NRXN3: variants seen among roughly 807,000 people sequenced by gnomAD.
NRXN3 encodes the protein neurexin III.
A neutral mutation model predicts 137.6 loss-of-function variants in NRXN3; 32 were observed. The ratio of observed to expected loss-of-function variants is 0.23; its 90% CI spans 0.18 to 0.31. The LOEUF is 0.31. Ranked by LOEUF, NRXN3 falls within the 10% of genes least tolerant of loss-of-function variation. The pLI is 1.00. For missense variants in NRXN3, 1,574 were observed against 2,062.5 expected, an observed-to-expected ratio of 0.76 and a Z score of 4.59; for synonymous variants, 798 against 784.5, an observed-to-expected ratio of 1.02 and a Z score of -0.29.
chr14:78,880,239 C>CAAAAA (rs59348965), intron 10 of NRXN3, among the ~76,000 whole-genome samples: 9 of 45,240 alleles, frequency 2.0e-4, no homozygotes, highest in Admixed American at 2.5e-4. Flanking sequence ...GACTCCGTCT[C>CAAAAA]AAAAAAAAAA....
intron 16 of NRXN3, among the ~76,000 whole-genome samples, chr14:79,468,578 G>C (rs1183922487): frequency 6.6e-6 from 1 of 152,226 alleles, no homozygotes; most frequent in African/African-American, 2.4e-5. Flanking sequence ...TAATGTGCAG[G>C]TGTATAGAGA....
At chr14:78,680,555 A>G (rs2098064066) in intron 6 of NRXN3, among the ~76,000 whole-genome samples, 1 of 152,166 alleles carries the variant, frequency 6.6e-6, no homozygotes, top group Admixed American at 6.6e-5. Flanking sequence ...TGAGTTTGGA[A>G]TTTGACTCCT....
At chr14:78,469,146 A>G (rs908129057) in intron 4 of NRXN3, among the ~76,000 whole-genome samples, 1 of 152,168 alleles carries the variant, frequency 6.6e-6, no homozygotes, top group Non-Finnish European at 1.5e-5. Flanking sequence ...TCCAAGGCCA[A>G]TTAAGCTTAA....
chr14:79,491,072 G>A (rs1367420074), intron 16 of NRXN3, among the ~76,000 whole-genome samples: 1 of 152,202 alleles, frequency 6.6e-6, no homozygotes, highest in Non-Finnish European at 1.5e-5. Flanking sequence ...ATGTGAGTAT[G>A]TGCGTGTGTG....
intron 8 of NRXN3, among the ~76,000 whole-genome samples, chr14:78,787,991 T>C (rs1459064685): frequency 2.0e-5 from 3 of 152,164 alleles, no homozygotes; most frequent in African/African-American, 7.2e-5. Flanking sequence ...ATTAACCCTT[T>C]ACAATTATGT....
Position 78,243,171 on chromosome 14 carries a change from G to A in NRXN3, c.78G>A (p.Leu26=), listed in dbSNP as rs1225172413. 6.5e-7 allele frequency: 1 copy of A among 1,545,078 alleles called. No individual in the cohort carries two copies. Among genetic ancestry groups the A allele is most frequent in the South Asian group, 1.2e-5 (1 of 84,468 alleles). ...TGGGGTCCCTGCTGGGGCTCTGCCT[G>A]GGCCTTGAGTTCATGGGCCTCCCCA... The part of the protein sequence containing the change: ...ILLGSLLGLC[L]GLEFMGLPNQ... Residue 26 remains leucine (L), a synonymous_variant, in exon 2 of 21, where the codon CTG becomes CTA. Transcript: ENST00000335750. The surrounding 1 kb of genome is among the most constrained non-coding windows in gnomAD (Gnocchi z 4.2).
At chr14:78,893,689 A>G (rs1223083092) in intron 10 of NRXN3, among the ~76,000 whole-genome samples, 1 of 151,858 alleles carries the variant, frequency 6.6e-6, no homozygotes, top group Non-Finnish European at 1.5e-5. Flanking sequence ...TTTGTTACAC[A>G]TTTTTATTTT....
rs145999290 is a variant in NRXN3 at position 79,087,802 on chromosome 14, C to T, written c.3262+99661C>T. ...CTTTGAGCAAGAAATATCAGGCAAC[C>T]GCTGCCATCTTAGCTAAAAAATCTT... On this transcript the variant is annotated intron_variant, in intron 15 of 20. Coordinates refer to ENST00000335750, the MANE Select transcript of NRXN3 (RefSeq NM_001330195.2). Among the ~76,000 whole-genome samples the T allele has an allele frequency of 2.5e-3, 379 of 152,238 alleles. 2 individuals are homozygous for T. Among genetic ancestry groups the T allele is most frequent in the African/African-American group, 8.1e-3 (336 of 41,538 alleles).
intron 15 of NRXN3, among the ~76,000 whole-genome samples, chr14:79,041,997 A>G (rs2099625809): frequency 6.6e-6 from 1 of 152,216 alleles, no homozygotes; most frequent in Non-Finnish European, 1.5e-5. Flanking sequence ...GCAAAAGGAC[A>G]AGGCAACACA....
At chr14:79,130,796 C>A (rs1275881841) in intron 15 of NRXN3, among the ~76,000 whole-genome samples, 21 of 152,132 alleles carry the variant, frequency 1.4e-4, no homozygotes, top group Admixed American at 3.3e-4. Context: ...TTCCATTCTC[C>A]CCGTCACTTT....
At chr14:79,082,147 C>T (rs970867710) in intron 15 of NRXN3, among the ~76,000 whole-genome samples, 6 of 151,566 alleles carry the variant, frequency 4.0e-5, no homozygotes, top group Non-Finnish European at 7.4e-5. Flanking sequence ...ATATACAAAA[C>T]TACCTATACA....
intron 15 of NRXN3, among the ~76,000 whole-genome samples, chr14:79,060,095 C>A (rs578049657): frequency 6.6e-6 from 1 of 152,314 alleles, no homozygotes; most frequent in East Asian, 1.9e-4. Context: ...AAATATGCCT[C>A]AGACTTTGTG....
chr14:78,931,438 T>A (rs2099321610), intron 10 of NRXN3, among the ~76,000 whole-genome samples: 1 of 152,200 alleles, frequency 6.6e-6, no homozygotes, highest in Non-Finnish European at 1.5e-5. Flanking sequence ...TTCCATGCGA[T>A]AATGATAGGA....
chr14:79,231,449 A>C (rs2072182514), intron 15 of NRXN3, among the ~76,000 whole-genome samples: 1 of 152,130 alleles, frequency 6.6e-6, no homozygotes, highest in African/African-American at 2.4e-5. Flanking sequence ...TATCCTTCCC[A>C]TCCCCCACCT....
intron 15 of NRXN3, among the ~76,000 whole-genome samples, chr14:79,314,914 T>A (rs1598606979): frequency 6.6e-6 from 1 of 152,062 alleles, no homozygotes; most frequent in East Asian, 1.9e-4. Flanking sequence ...AACCCATCTG[T>A]ACATCACCAT....
chr14:79,453,279 C>T (rs2096205926), intron 15 of NRXN3, among the ~76,000 whole-genome samples: 1 of 151,984 alleles, frequency 6.6e-6, no homozygotes, highest in African/African-American at 2.4e-5. Flanking sequence ...GCACTCCAGC[C>T]TGGACGACAG....
At chr14:78,728,104 A>G (rs2098495307) in intron 8 of NRXN3, among the ~76,000 whole-genome samples, 1 of 152,154 alleles carries the variant, frequency 6.6e-6, no homozygotes, top group South Asian at 2.1e-4. Context: ...CCTTGATGAG[A>G]TCTGTCTATT....
rs746515868 is a variant in NRXN3 at position 79,708,967 on chromosome 14, A to ATG, written c.4014+11045_4014+11046dup. 3.2e-3 allele frequency among the ~76,000 whole-genome samples: 478 copies of ATG among 151,316 alleles called. 2 individuals carry two copies. Among genetic ancestry groups the ATG allele is most frequent in the African/African-American group, 8.9e-3 (369 of 41,290 alleles). ...CTTATATCTCTGGCCCCATCTTATT[A>ATG]TGTGTGTGTGTGTGTGAGAGAGAGA... On this transcript the variant is annotated intron_variant, in intron 19 of 20. Coordinates refer to ENST00000335750, the MANE Select transcript of NRXN3 (RefSeq NM_001330195.2).
intron 15 of NRXN3, among the ~76,000 whole-genome samples, chr14:79,228,228 C>T (rs572003388): frequency 1.4e-3 from 216 of 152,136 alleles, no homozygotes; most frequent in African/African-American, 4.9e-3. Flanking sequence ...GTAGCTTATC[C>T]CTTTAGGCAC....
Sources: allele counts gnomAD v4.1 joint callset (sites outside exome capture counted in the v4.1 genomes callset), GRCh38; gene constraint gnomAD v4.1.1; non-coding constraint Gnocchi (gnomAD v3.1); transcripts MANE v1.5; gene names NCBI Gene and HGNC (gene_info 2026-07-23, HGNC 2026-07-21).